DCLK2: variants seen among roughly 807,000 people sequenced by gnomAD.
The protein encoded by DCLK2 is serine/threonine-protein kinase DCLK2.
Under a neutral mutation model 78.4 loss-of-function variants are expected in DCLK2, and 31 were observed. That is an observed-to-expected ratio of 0.40 (90% CI 0.30 to 0.53). The LOEUF is 0.53. Among genes scored for constraint, DCLK2 ranks in the 20% least tolerant of loss-of-function variants. The probability of loss-of-function intolerance (pLI) is 0.61; values close to 1 mark genes in which losing one functional copy is unlikely to be tolerated. For missense variants in DCLK2, 872 were observed against 973.7 expected, an observed-to-expected ratio of 0.90 and a Z score of 1.39; for synonymous variants, 407 against 374.9, an observed-to-expected ratio of 1.09 and a Z score of -0.99.
intron 2 of DCLK2, among the ~76,000 whole-genome samples, chr4:150,167,471 C>T (rs780638464): frequency 1.3e-5 from 2 of 152,192 alleles, no homozygotes; most frequent in Non-Finnish European, 2.9e-5. Context: ...GACTAAATCT[C>T]GTACTTGAGT....
intron 2 of DCLK2, among the ~76,000 whole-genome samples, chr4:150,128,369 T>C (rs1015533344): frequency 6.6e-6 from 1 of 151,680 alleles, no homozygotes; most frequent in African/African-American, 2.4e-5. Context: ...GTGTGTGTAA[T>C]AGAATGTGGG....
intron 2 of DCLK2, among the ~76,000 whole-genome samples, chr4:150,134,680 C>T (rs1482613825): frequency 2.0e-5 from 3 of 152,108 alleles, no homozygotes; most frequent in African/African-American, 4.8e-5. Flanking sequence ...TGCTTTCTTG[C>T]AGCAAAAGTT....
chr4:150,155,007 G>T (rs1483994486), intron 2 of DCLK2, among the ~76,000 whole-genome samples: 1 of 152,144 alleles, frequency 6.6e-6, no homozygotes, highest in Non-Finnish European at 1.5e-5. Context: ...TAGGCGGGTG[G>T]ATCACTTGAT....
chr4:150,182,194 G>A (rs996900206), intron 2 of DCLK2, among the ~76,000 whole-genome samples: 1 of 151,930 alleles, frequency 6.6e-6, no homozygotes, highest in East Asian at 1.9e-4. Flanking sequence ...CCACAGTTGT[G>A]CATCACCACG....
chr4:150,123,052 C>T (rs1217896721), intron 2 of DCLK2, among the ~76,000 whole-genome samples: 1 of 152,228 alleles, frequency 6.6e-6, no homozygotes, highest in Non-Finnish European at 1.5e-5. Flanking sequence ...GATTGATCTT[C>T]TCTTCCAACC....
At chr4:150,198,469 A>G (rs1026239541) in intron 4 of DCLK2, among the ~76,000 whole-genome samples, 4 of 108,810 alleles carry the variant, frequency 3.7e-5, no homozygotes, top group African/African-American at 1.1e-4. Flanking sequence ...TTTAAAACAC[A>G]TGCACATGCA....
chr4:150,195,010 T>C (rs1365910781), intron 3 of DCLK2, among the ~76,000 whole-genome samples: 1 of 147,880 alleles, frequency 6.8e-6, no homozygotes, highest in Non-Finnish European at 1.5e-5. Flanking sequence ...TATATTCTGT[T>C]GGACTGGCCC....
chr4:150,139,101 G>A (rs1165363481), intron 2 of DCLK2, among the ~76,000 whole-genome samples: 1 of 152,028 alleles, frequency 6.6e-6, no homozygotes, highest in Non-Finnish European at 1.5e-5. Flanking sequence ...TCAAACTCAA[G>A]TGATCCTCCT....
intron 2 of DCLK2, among the ~76,000 whole-genome samples, chr4:150,136,667 A>G (rs62338189): frequency 0.43 from 64,684 of 151,976 alleles, 14,613 homozygotes; most frequent in East Asian, 0.74. Flanking sequence ...TGGTTTGAGC[A>G]TATCATTCTG....
intron 2 of DCLK2, among the ~76,000 whole-genome samples, chr4:150,106,112 A>G (rs1317467403): frequency 1.3e-5 from 2 of 151,490 alleles, no homozygotes; most frequent in African/African-American, 2.5e-5. Context: ...CTTTGGAAAA[A>G]TTAGATTTAA....
At chr4:150,211,396 A>G (rs1249275084) in intron 5 of DCLK2, among the ~76,000 whole-genome samples, 1 of 152,080 alleles carries the variant, frequency 6.6e-6, no homozygotes, top group African/African-American at 2.4e-5. Flanking sequence ...CATCTCTTCC[A>G]TAATATCTTG....
chr4:150,129,130 C>T (rs1250656689), intron 2 of DCLK2, among the ~76,000 whole-genome samples: 3 of 152,156 alleles, frequency 2.0e-5, no homozygotes, highest in Non-Finnish European at 2.9e-5. Flanking sequence ...ATGAAAAGTA[C>T]TGCAGTATTT....
At chr4:150,195,213 TACA>T (rs1224172045) in intron 3 of DCLK2, among the ~76,000 whole-genome samples, 2 of 3,640 alleles carry the variant, frequency 5.5e-4, no homozygotes, top group African/African-American at 2.4e-3. Context: ...ATATATTATA[TACA>T]ATATTATATA....
intron 4 of DCLK2, chr4:150,199,196 A>T: frequency 1.1e-6 from 1 of 893,690 alleles, no homozygotes. Context: ...TCCAGTGCAC[A>T]TCTGTGTGGT....
intron 5 of DCLK2, among the ~76,000 whole-genome samples, chr4:150,215,769 G>A (rs1031309833): frequency 1.3e-5 from 2 of 152,200 alleles, no homozygotes; most frequent in East Asian, 1.9e-4. Flanking sequence ...CAGCAAAGCC[G>A]GTTTGTTCTG....
chr4:150,225,705 A>T (rs1451222747), intron 8 of DCLK2, among the ~76,000 whole-genome samples: 3 of 152,212 alleles, frequency 2.0e-5, no homozygotes, highest in Non-Finnish European at 4.4e-5. Context: ...AAATATTTGG[A>T]TATATTAAGT....
chr4:150,085,431 T>C (rs900276230), intron 1 of DCLK2, among the ~76,000 whole-genome samples: 5 of 152,168 alleles, frequency 3.3e-5, no homozygotes. Context: ...GTAGGATATA[T>C]AGAGAGGAAA....
intron 2 of DCLK2, among the ~76,000 whole-genome samples, chr4:150,120,354 C>T (rs1280696025): frequency 2.6e-5 from 4 of 152,146 alleles, no homozygotes; most frequent in Non-Finnish European, 5.9e-5. Context: ...GTTTAAGAAG[C>T]TCTCCTATGG....
At position 150,242,124 on chromosome 4, in the gene DCLK2, A is replaced by T. The variant is rs369237013; in HGVS notation, c.1778+1648A>T. Reference sequence around the variant, plus strand: ...CTCGGTTTTCCCATTGCGTTGAACAATTTTCTAATTGGCATTGCAGTAAAC... The same window carrying T: ...CTCGGTTTTCCCATTGCGTTGAACATTTTTCTAATTGGCATTGCAGTAAAC... On this transcript the variant is annotated intron_variant, in intron 12 of 15. Coordinates refer to ENST00000296550, the MANE Select transcript of DCLK2 (RefSeq NM_001040260.4). Among the ~76,000 whole-genome samples the T allele has an allele frequency of 5.9e-5, 9 of 152,292 alleles. No individual in the cohort carries two copies. In the South Asian group the frequency reaches 1.9e-3, roughly 32 times the overall value.
Sources: gnomAD v4.1 joint callset for allele counts (sites outside exome capture counted in the v4.1 genomes callset) on GRCh38, gnomAD v4.1.1 for gene constraint, MANE v1.5 for transcripts, NCBI Gene and HGNC (gene_info 2026-07-23, HGNC 2026-07-21) for gene names.